The following COL8A1 variants were observed in gnomAD, a reference collection of about 807,000 sequenced individuals.
COL8A1 encodes the protein collagen alpha-1(VIII) chain.
A neutral mutation model predicts 42.7 loss-of-function variants in COL8A1; 21 were observed. The ratio of observed to expected loss-of-function variants is 0.49; its 90% CI spans 0.35 to 0.71. The LOEUF (loss-of-function observed/expected upper bound fraction) is 0.71. Among genes scored for constraint, COL8A1 ranks in the 30% least tolerant of loss-of-function variants. COL8A1 has a pLI of 0.01. For synonymous variants in COL8A1, 367 were observed against 369.1 expected, an observed-to-expected ratio of 0.99 and a Z score of 0.06; for missense variants, 788 against 962.4, an observed-to-expected ratio of 0.82 and a Z score of 2.40.
At chr3:99,706,761 CA>C (rs1221664725) in intron 1 of COL8A1, among the ~76,000 whole-genome samples, 4 of 152,158 alleles carry the variant, frequency 2.6e-5, no homozygotes, top group African/African-American at 9.7e-5. Flanking sequence ...TACAGCTCTG[CA>C]ATGGTAGATT....
intron 1 of COL8A1, among the ~76,000 whole-genome samples, chr3:99,672,145 TC>T (rs1311243579): frequency 9.2e-5 from 14 of 152,162 alleles, no homozygotes; most frequent in African/African-American, 3.1e-4. Flanking sequence ...ACAAAACTCA[TC>T]CATAGGAAGT....
intron 1 of COL8A1, among the ~76,000 whole-genome samples, chr3:99,648,049 G>A (rs887689646): frequency 1.3e-5 from 2 of 152,160 alleles, no homozygotes; most frequent in African/African-American, 4.8e-5. Flanking sequence ...CATCATTAAT[G>A]GTTATAATAA....
chr3:99,696,302 T>G (rs1289420767), intron 1 of COL8A1, among the ~76,000 whole-genome samples: 1 of 152,216 alleles, frequency 6.6e-6, no homozygotes, highest in Admixed American at 6.5e-5. Flanking sequence ...GCACTTTCCA[T>G]TCCTGGATAT....
At chr3:99,770,178 G>A (rs577485584) in intron 2 of COL8A1, among the ~76,000 whole-genome samples, 4 of 152,188 alleles carry the variant, frequency 2.6e-5, no homozygotes, top group South Asian at 2.1e-4. Flanking sequence ...CAGATTCTTC[G>A]TGGCCCCTGG....
At chr3:99,666,412 A>G (rs1291706843) in intron 1 of COL8A1, among the ~76,000 whole-genome samples, 1 of 152,136 alleles carries the variant, frequency 6.6e-6, no homozygotes, top group Non-Finnish European at 1.5e-5. Flanking sequence ...TTGTTGCATA[A>G]TCCTCCTTCT....
intron 1 of COL8A1, among the ~76,000 whole-genome samples, chr3:99,704,979 A>C (rs1392991824): frequency 2.0e-5 from 3 of 152,190 alleles, no homozygotes. Flanking sequence ...CTAGATGTCC[A>C]GAAGTTTGGG....
At chr3:99,783,715 C>T (rs990836942) in intron 2 of COL8A1, among the ~76,000 whole-genome samples, 3 of 152,170 alleles carry the variant, frequency 2.0e-5, no homozygotes, top group Non-Finnish European at 4.4e-5. Flanking sequence ...CACAAGGTAG[C>T]AGGAGAGAGA....
At chr3:99,725,064 A>G (rs975804405) in intron 1 of COL8A1, among the ~76,000 whole-genome samples, 1 of 152,118 alleles carries the variant, frequency 6.6e-6, no homozygotes, top group East Asian at 1.9e-4. Context: ...GGCATGTAAG[A>G]CATCCTCAAT....
At chr3:99,793,964 C>T (rs1400740955) in intron 3 of COL8A1, among the ~76,000 whole-genome samples, 1 of 152,148 alleles carries the variant, frequency 6.6e-6, no homozygotes, top group East Asian at 1.9e-4. Flanking sequence ...GTTGGCCAAG[C>T]TGGTCTCGAA....
intron 1 of COL8A1, among the ~76,000 whole-genome samples, chr3:99,671,473 G>C (rs961393814): frequency 7.2e-5 from 11 of 151,822 alleles, no homozygotes; most frequent in Non-Finnish European, 1.0e-4. Flanking sequence ...ATTTTTTGTG[G>C]AGAACACTTA....
chr3:99,639,291 G>C (rs1180040290), intron 1 of COL8A1, among the ~76,000 whole-genome samples: 2 of 152,128 alleles, frequency 1.3e-5, no homozygotes, highest in Non-Finnish European at 2.9e-5. Flanking sequence ...CTCTCACCAG[G>C]CTATCTTTTC....
intron 1 of COL8A1, among the ~76,000 whole-genome samples, chr3:99,715,428 T>C (rs1939969315): frequency 6.6e-6 from 1 of 152,000 alleles, no homozygotes; most frequent in African/African-American, 2.4e-5. Flanking sequence ...GAATGAAGAA[T>C]GATTTGAAGT....
chr3:99,768,122 T>C (rs1941499983), intron 2 of COL8A1, among the ~76,000 whole-genome samples: 2 of 152,188 alleles, frequency 1.3e-5, no homozygotes, highest in Admixed American at 1.3e-4. Context: ...AAAGTAAACA[T>C]TCTTTTTCTC....
At chr3:99,739,705 C>T (rs1207070663) in intron 1 of COL8A1, among the ~76,000 whole-genome samples, 1 of 152,132 alleles carries the variant, frequency 6.6e-6, no homozygotes, top group Non-Finnish European at 1.5e-5. Flanking sequence ...AGGGTGCAAA[C>T]AGCCAGCCCA....
intron 1 of COL8A1, among the ~76,000 whole-genome samples, chr3:99,639,976 A>G (rs1463746051): frequency 6.6e-6 from 1 of 152,222 alleles, no homozygotes. Flanking sequence ...ATTCTCCCCT[A>G]TTAAAGAAAC....
intron 1 of COL8A1, among the ~76,000 whole-genome samples, chr3:99,690,458 G>A (rs1312894671): frequency 6.6e-6 from 1 of 152,124 alleles, no homozygotes; most frequent in African/African-American, 2.4e-5. Flanking sequence ...AAATTCTAGG[G>A]TAATGGATAT....
chr3:99,658,848 A>G (rs545639034), intron 1 of COL8A1, among the ~76,000 whole-genome samples: 5 of 152,308 alleles, frequency 3.3e-5, no homozygotes, highest in African/African-American at 1.2e-4. Flanking sequence ...CTTGATAATC[A>G]CATCACTCAA....
intron 1 of COL8A1, chr3:99,691,941 T>C (rs1433856642): frequency 2.6e-5 from 4 of 152,154 alleles, no homozygotes; most frequent in African/African-American, 9.7e-5. Flanking sequence ...ACCAATGCTT[T>C]CTTCTTGCAG....
rs117989831 is a variant in COL8A1 at position 99,772,931 on chromosome 3, C to T, written c.-3-17749C>T. On this transcript the variant is annotated intron_variant, in intron 2 of 3. Coordinates refer to ENST00000652472, the MANE Select transcript of COL8A1 (RefSeq NM_020351.4). ...TGTCTTGAATCCAGAGTAGTCCTAA[C>T]GAATGAGGCCTTTGGAGACAGACCA... Among the ~76,000 whole-genome samples, 38 of 152,250 alleles carry T rather than the reference C, an allele frequency of 2.5e-4. No individual in the cohort carries two copies. The East Asian group carries it at 7.0e-3, about 28-fold the overall frequency.
Sources: allele counts gnomAD v4.1 joint callset (sites outside exome capture counted in the v4.1 genomes callset), GRCh38; gene constraint gnomAD v4.1.1; transcripts MANE v1.5; gene names NCBI Gene and HGNC (gene_info 2026-07-23, HGNC 2026-07-21).